CD109: variants seen among roughly 807,000 people sequenced by gnomAD.
The protein encoded by CD109 is CD109 antigen.
A neutral mutation model predicts 165.8 loss-of-function variants in CD109; 149 were observed. The observed-to-expected ratio is 0.90, with a 90% CI of 0.79 to 1.03. CD109 has a LOEUF of 1.03. Among genes scored for constraint, CD109 ranks in the 50% least tolerant of loss-of-function variants. The pLI is 0.00. For synonymous variants in CD109, 585 were observed against 592.1 expected (o/e 0.99, Z 0.18); for missense variants, 1,712 against 1,677.8 (o/e 1.02, Z -0.36).
intron 2 of CD109, among the ~76,000 whole-genome samples, chr6:73,711,430 A>G (rs1374600177): frequency 6.6e-6 from 1 of 152,064 alleles, no homozygotes; most frequent in East Asian, 1.9e-4. Context: ...TGCTCAGAAT[A>G]CTTGTGTTTT....
intron 5 of CD109, among the ~76,000 whole-genome samples, chr6:73,756,153 G>A (rs9447010): frequency 0.5 from 76,620 of 151,948 alleles, 19,709 homozygotes; most frequent in African/African-American, 0.61. Context: ...GGAAAAGTGA[G>A]GCATGTTGTT....
chr6:73,723,544 A>G (rs893393181), intron 3 of CD109, among the ~76,000 whole-genome samples: 2 of 152,224 alleles, frequency 1.3e-5, no homozygotes, highest in Non-Finnish European at 2.9e-5. Context: ...CTATTAGCAC[A>G]GAAATCTGGA....
At chr6:73,803,163 C>A in intron 23 of CD109, 57 bp from the exon 24 acceptor site, 1 of 1,201,058 alleles carries the variant, frequency 8.3e-7, no homozygotes, top group Non-Finnish European at 1.2e-6. Flanking sequence ...TAATTAGAAA[C>A]TTTCATCCAT....
intron 25 of CD109, among the ~76,000 whole-genome samples, chr6:73,807,801 T>G (rs1775622665): frequency 6.6e-6 from 1 of 152,222 alleles, no homozygotes. Context: ...TATCTGAGTC[T>G]GTGATACTGA....
chr6:73,794,371 G>A (rs1283180277), intron 23 of CD109, among the ~76,000 whole-genome samples: 3 of 152,164 alleles, frequency 2.0e-5, no homozygotes, highest in Non-Finnish European at 2.9e-5. Context: ...CCAGGAATCG[G>A]GACGGGATGC....
At chr6:73,690,977 C>G (rs980770727), upstream of CD109, among the ~76,000 whole-genome samples, 3 of 152,030 alleles carry the variant, frequency 2.0e-5, no homozygotes, top group African/African-American at 7.2e-5. Context: ...TGAGCAGCTA[C>G]TCTACCTGAC....
chr6:73,766,672 G>T, intron 11 of CD109, 87 bp from the exon 12 acceptor site: 3 of 912,262 alleles, frequency 3.3e-6, no homozygotes, highest in East Asian at 2.4e-5. Flanking sequence ...GATGAATTTG[G>T]TCTTTAATAA....
chr6:73,767,644 C>A (rs1773899455), intron 13 of CD109, among the ~76,000 whole-genome samples: 1 of 151,844 alleles, frequency 6.6e-6, no homozygotes, highest in African/African-American at 2.4e-5. Flanking sequence ...ATAACTAAAC[C>A]TTGTTTTATG....
intron 3 of CD109, among the ~76,000 whole-genome samples, chr6:73,725,817 A>G (rs1772122546): frequency 6.6e-6 from 1 of 152,254 alleles, no homozygotes; most frequent in Non-Finnish European, 1.5e-5. Flanking sequence ...CCAGCCTACT[A>G]TACTTCTTTT....
chr6:73,696,379 G>C, intron 1 of CD109, 90 bp downstream of exon 1: 1 of 1,120,986 alleles, frequency 8.9e-7, no homozygotes, highest in South Asian at 2.1e-5. Flanking sequence ...GGTGGCGGCT[G>C]CTGTGCAGCA....
At chr6:73,734,919 C>T (rs1167605109) in intron 4 of CD109, among the ~76,000 whole-genome samples, 1 of 152,044 alleles carries the variant, frequency 6.6e-6, no homozygotes, top group African/African-American at 2.4e-5. Context: ...CTGCCTTTAA[C>T]AAAAATATGT....
At chr6:73,699,730 A>G (rs950145447) in intron 2 of CD109, among the ~76,000 whole-genome samples, 2 of 152,286 alleles carry the variant, frequency 1.3e-5, no homozygotes, top group East Asian at 3.9e-4. Context: ...GGAAGGAAGG[A>G]GGGAAAACGC....
chr6:73,790,621 C>T (rs1774891225), intron 22 of CD109, among the ~76,000 whole-genome samples: 1 of 152,102 alleles, frequency 6.6e-6, no homozygotes, highest in East Asian at 1.9e-4. Flanking sequence ...GCCTGTGAAG[C>T]AGAGGAGCTG....
At chr6:73,799,646 C>T (rs995772677) in intron 23 of CD109, among the ~76,000 whole-genome samples, 1 of 152,076 alleles carries the variant, frequency 6.6e-6, no homozygotes, top group Non-Finnish European at 1.5e-5. Context: ...CCAGATCTTA[C>T]AGTAACTCAC....
intron 2 of CD109, among the ~76,000 whole-genome samples, chr6:73,711,806 G>A (rs1336236577): frequency 3.4e-5 from 1 of 29,142 alleles, no homozygotes; most frequent in African/African-American, 9.1e-5. Flanking sequence ...CAAAGTGCTG[G>A]GATTACAGGC....
chr6:73,781,836 C>CACACACACACACACACACACA lies in CD109; in HGVS notation c.1963+517_1963+518insACACACACACACACACACACA, dbSNP rs386359122. Reference sequence around the variant, plus strand: ...ACGCAGACACACACACACACACACACCCCTCATCAATCTGAGTTCTTCCTG... The same window carrying CACACACACACACACACACACA: ...ACGCAGACACACACACACACACACACACACACACACACACACACACACCCTCATCAATCTGAGTTCTTCCTG... On this transcript the variant is annotated intron_variant, in intron 17 of 32. Transcript: ENST00000287097. Among the ~76,000 whole-genome samples, 272 of 62,110 alleles carry CACACACACACACACACACACA rather than the reference C, an allele frequency of 4.4e-3. 3 individuals carry two copies. The highest frequency in any genetic ancestry group is 0.02 in the Middle Eastern group (2 of 102). 40.7% of individuals were successfully genotyped at this position (62,110 alleles called of 152,430 possible). A position where few individuals can be genotyped will look rare whatever the true frequency, so the allele number is the denominator to read the frequency against.
intron 23 of CD109, among the ~76,000 whole-genome samples, chr6:73,795,803 G>GT (rs1775137826): frequency 6.6e-6 from 1 of 150,588 alleles, no homozygotes; most frequent in Non-Finnish European, 1.5e-5. Context: ...TCCAAGGCTT[G>GT]GTTTTTTTAC....
At chr6:73,801,219 T>A (rs1415040316) in intron 23 of CD109, among the ~76,000 whole-genome samples, 1 of 152,252 alleles carries the variant, frequency 6.6e-6, no homozygotes, top group Non-Finnish European at 1.5e-5. Flanking sequence ...GTTAGCTGTG[T>A]GACCATGCAC....
At chr6:73,808,371 T>C in intron 26 of CD109, 123 bp downstream of exon 26, 3 of 950,508 alleles carry the variant, frequency 3.2e-6, no homozygotes, top group Non-Finnish European at 3.1e-6. Context: ...GTAAAACACA[T>C]AATGAGATCA....
Sources: allele counts gnomAD v4.1 joint callset (sites outside exome capture counted in the v4.1 genomes callset), GRCh38; gene constraint gnomAD v4.1.1; transcripts MANE v1.5; gene names NCBI Gene and HGNC (gene_info 2026-07-23, HGNC 2026-07-21).